Variants in HRNR observed in about 807,000 individuals in gnomAD.
HRNR encodes hornerin.
HRNR carries 7 observed loss-of-function variants against 4.8 expected under a neutral mutation model. The ratio of observed to expected loss-of-function variants is 1.47; its 90% CI spans 0.83 to 2.75. The LOEUF (loss-of-function observed/expected upper bound fraction) is 2.75, where lower values mean the gene tolerates loss of function less well. Among genes scored for constraint, HRNR ranks in the 30% most tolerant of loss-of-function variants. HRNR has a pLI of 0.00. For missense variants in HRNR, 2,879 were observed against 3,010.4 expected (o/e 0.96, Z 1.02); for synonymous variants, 1,023 against 1,242.7 (o/e 0.82, Z 3.72).
In HRNR at chr1:152,213,092, C is replaced by G. The variant is rs370306105; in HGVS notation, c.8537G>C (p.Cys2846Ser). 4 of 1,612,636 alleles carry G rather than the reference C, an allele frequency of 2.5e-6. No individual in the cohort carries two copies. The highest frequency in any genetic ancestry group is 2.2e-5 in the South Asian group (2 of 90,884). Residue 2846 changes from cysteine (C) to serine (S), a missense_variant, in exon 3 of 3, where the codon TGC becomes TCC. By Grantham distance (112) the Cys-to-Ser change is moderately radical. Transcript: ENST00000368801. ...GTTTATTATTCACTGATAAAAGTAG[C>G]ACCTCTGCTCTTGGACATATTCATA... is the stretch of plus-strand genomic sequence containing the variant. ...SPYEYVQEQR[C>S]YFYQ
Position 152,218,911 on chromosome 1 carries a change from A to C in HRNR, c.2718T>G (p.Tyr906Ter). ...RGSGSGQSPS[Y>*]GRHGSGSGRS... ...GACCGGAGCCAGACCCATGTCGGCC[A>C]TAGCTGGGAGACTGCCCTGACCCAG... The change falls in exon 3 of 3, where the codon TAT becomes TAG. Residue 906 changes from tyrosine (Y) to a stop codon, truncating the protein, a stop_gained. Transcript: ENST00000368801. LOFTEE classifies it low-confidence loss of function (END_TRUNC). 1 of 1,612,308 alleles carries C rather than the reference A, an allele frequency of 6.2e-7. No individual in the cohort carries two copies. Among genetic ancestry groups the C allele is most frequent in the East Asian group, 2.2e-5 (1 of 44,684 alleles).
chr1:152,220,392 G>C lies in HRNR; in HGVS notation c.1237C>G (p.Arg413Gly). The C allele has an allele frequency of 1.2e-6, 2 of 1,613,988 alleles. No homozygotes were observed. Among genetic ancestry groups the C allele is most frequent in the South Asian group, 1.1e-5 (1 of 91,080 alleles). Residue 413 changes from arginine (R) to glycine (G), a missense_variant, in exon 3 of 3, where the codon CGC (arginine) becomes GGC (glycine). Around this residue, in one of 8 missense-constraint regions of HRNR, gnomAD observed 2,646 missense variants for 1,377.7 expected, o/e 1.92. Coordinates refer to ENST00000368801, the MANE Select transcript of HRNR (RefSeq NM_001009931.3). Reference sequence around the variant, plus strand: ...CCAGATCCAGAGCTGTGTTGGCCGCGGCCTGAAGAGTGACGGGAGGCAGAC... The same window carrying C: ...CCAGATCCAGAGCTGTGTTGGCCGCCGCCTGAAGAGTGACGGGAGGCAGAC... ...HESASRHSSGRGQHSSGSGQS... is the reference protein window; with the variant it reads ...HESASRHSSGGGQHSSGSGQS...
rs781293101 is a variant in HRNR, at chr1:152,223,202, A to G, written c.52T>C (p.Tyr18His). 1.3e-5 allele frequency: 21 copies of G among 1,613,692 alleles called. No homozygotes were observed. The highest frequency in any genetic ancestry group is 1.7e-5 in the Non-Finnish European group (20 of 1,179,738). Residue 18 changes from tyrosine (Y) to histidine (H), a missense_variant, in exon 2 of 3, where the codon TAT (tyrosine) becomes CAT (histidine). By Grantham distance (83) the Tyr-to-His change is moderately conservative (BLOSUM62 2). Coordinates refer to ENST00000368801, the MANE Select transcript of HRNR (RefSeq NM_001009931.3). ...VITVIDVFYQ[Y>H]ATQHGEYDTL... ...TCATACTCCCCATGCTGGGTGGCAT[A>G]TTGGTAGAAAACATCGATGACAGTG...
Position 152,213,476 on chromosome 1 carries a change from C to G in HRNR, c.8153G>C (p.Cys2718Ser). ...TGTAGAACCATGCTGTCCTTGGCTACAGAAGTGCCCTGAGCCACTACCATG... is the reference window on the plus strand; with the variant it reads ...TGTAGAACCATGCTGTCCTTGGCTAGAGAAGTGCCCTGAGCCACTACCATG... ...SQHGSGSGHF[C>S]SQGQHGSTSG... The change falls in exon 3 of 3, where the codon TGT (cysteine) becomes TCT (serine). Residue 2718 changes from cysteine (C) to serine (S), a missense_variant. This residue lies in a region of HRNR where 20 missense variants were observed against 61.1 expected (regional missense o/e 0.33). Transcript: ENST00000368801. The G allele has an allele frequency of 1.4e-6, 2 of 1,402,114 alleles. No individual in the cohort carries two copies. Among genetic ancestry groups the G allele is most frequent in the Non-Finnish European group, 2.0e-6 (2 of 1,017,270 alleles). The allele number at this position is 1,402,114 out of a possible 1,614,324, so 86.9% of individuals were successfully genotyped here.
rs529137173 is a variant in HRNR at position 152,221,046 on chromosome 1, A to G, written c.583T>C (p.Cys195Arg). ...GGAGACTGCCCTGACCCAGACCCACATTGGCCGCGGCCTGAAGACTGATGG... is the reference window on the plus strand; with the variant it reads ...GGAGACTGCCCTGACCCAGACCCACGTTGGCCGCGGCCTGAAGACTGATGG... ...DSHQSSGRGQCGSGSGQSPNY... is the reference protein window; with the variant it reads ...DSHQSSGRGQRGSGSGQSPNY... Residue 195 changes from cysteine (C) to arginine (R), a missense_variant, in exon 3 of 3, where the codon TGT becomes CGT. This residue lies in a region of HRNR where 2,646 missense variants were observed against 1,377.7 expected (regional missense o/e 1.92). Transcript: ENST00000368801. The G allele has an allele frequency of 3.0e-5, 49 of 1,613,128 alleles. No homozygotes were observed. In the East Asian group the frequency reaches 9.6e-4, roughly 32 times the overall value.
chr1:152,219,698 C>G lies in HRNR; in HGVS notation c.1931G>C (p.Ser644Thr), dbSNP rs145243967. 5.0e-6 allele frequency: 8 copies of G among 1,613,338 alleles called. No homozygotes were observed. Among genetic ancestry groups the G allele is most frequent in the Non-Finnish European group, 5.1e-6 (6 of 1,179,526 alleles). The change falls in exon 3 of 3, where the codon AGT becomes ACT. Residue 644 changes from serine (S) to threonine (T), a missense_variant. Physicochemically the swap from Ser to Thr is moderately conservative, Grantham distance 58. This residue lies in a region of HRNR where 2,646 missense variants were observed against 1,377.7 expected (regional missense o/e 1.92). Transcript: ENST00000368801. ...SSHGQHGSGSSQSSRYGQQGS... is the reference protein window; with the variant it reads ...SSHGQHGSGSTQSSRYGQQGS... ...CTGTTGGCCATAGCGAGAAGACTGA[C>G]TTGAGCCAGAGCCATGCTGACCGTG...
rs367577450 is a variant in HRNR, at chr1:152,218,501, C to T, written c.3128G>A (p.Gly1043Asp). The T allele has an allele frequency of 3.7e-6, 6 of 1,613,746 alleles. No homozygotes were observed. Among genetic ancestry groups the T allele is most frequent in the South Asian group, 2.2e-5 (2 of 91,050 alleles). Residue 1043 changes from glycine (G) to aspartate (D), a missense_variant, in exon 3 of 3, where the codon GGC becomes GAC. Physicochemically the swap from Gly to Asp is moderately conservative, Grantham distance 94 (BLOSUM62 -1). Coordinates refer to ENST00000368801, the MANE Select transcript of HRNR (RefSeq NM_001009931.3). ...WSSSRGPYESGSGHSSGLGHR... is the reference protein window; with the variant it reads ...WSSSRGPYESDSGHSSGLGHR... ...ACCTAAGCCAGAAGAGTGACCGGAG[C>T]CAGACTCATATGGGCCACGGCTTGA...
At position 152,220,939 on chromosome 1, in the gene HRNR, G is replaced by A. The variant is rs748425764; in HGVS notation, c.690C>T (p.Gly230=). 6.2e-7 allele frequency: 1 copy of A among 1,612,462 alleles called. No homozygotes were observed. Among genetic ancestry groups the A allele is most frequent in the Non-Finnish European group, 8.5e-7 (1 of 1,178,366 alleles). Reference sequence around the variant, plus strand: ...CTGAGCTAGACTTGTGTTGACTAAAGCCAGAAGACTGGCCTGAGCCAGACC... The same window carrying A: ...CTGAGCTAGACTTGTGTTGACTAAAACCAGAAGACTGGCCTGAGCCAGACC... The part of the protein sequence containing the change: ...THGSGSGQSS[G]FSQHKSSSGQ... Residue 230 remains glycine, a synonymous_variant, in exon 3 of 3, where the codon GGC becomes GGT. Transcript: ENST00000368801.
chr1:152,219,753 GT>G lies in HRNR; in HGVS notation c.1875del (p.Gln625HisfsTer426). 1 of 1,613,622 alleles carries G rather than the reference GT, an allele frequency of 6.2e-7. No homozygotes were observed. The highest frequency in any genetic ancestry group is 1.1e-5 in the South Asian group (1 of 91,074). ...GAAGACTGACCTGAGGTAGCTCCAT[GT>G]TGGCCACAGCTCGATGACTGTCCTG... ...STSGQSSSCGQHGATSGQSSS... is the reference protein window; with the variant it reads ...STSGQSSSCGXHGATSGQSSS... On this transcript the variant is annotated frameshift_variant, in exon 3 of 3. Coordinates refer to ENST00000368801, the MANE Select transcript of HRNR (RefSeq NM_001009931.3). LOFTEE classifies it low-confidence loss of function (END_TRUNC).
Position 152,220,010 on chromosome 1 carries a change from G to T in HRNR, c.1619C>A (p.Ser540Tyr). The change falls in exon 3 of 3, where the codon TCT (serine) becomes TAT (tyrosine). Residue 540 changes from serine to tyrosine, a missense_variant. This residue lies in a region of HRNR where 2,646 missense variants were observed against 1,377.7 expected (regional missense o/e 1.92). Coordinates refer to ENST00000368801, the MANE Select transcript of HRNR (RefSeq NM_001009931.3). ...ATGTCGGCCACGGCTAGGGCTAGGA[G>T]ACTGGCCAGATCCAGACCCATGTCG... is the stretch of plus-strand genomic sequence containing the variant. The part of the protein sequence containing the change: ...HSRHGSGSGQ[S>Y]PSPSRGRHES... The T allele has an allele frequency of 1.9e-6, 3 of 1,614,030 alleles. No homozygotes were observed. Among genetic ancestry groups the T allele is most frequent in the Non-Finnish European group, 2.5e-6 (3 of 1,179,998 alleles).
chr1:152,222,883 A>G (rs4845426), intron 2 of HRNR, among the ~76,000 whole-genome samples: 105,547 of 152,066 alleles, frequency 0.69, 38,620 homozygotes, highest in Non-Finnish European at 0.84. Flanking sequence ...CTTAGATAGG[A>G]CATTATTTAA....
Position 152,218,732 on chromosome 1 carries a change from T to A in HRNR, c.2897A>T (p.Gln966Leu). 6.2e-7 allele frequency: 1 copy of A among 1,613,882 alleles called. No homozygotes were observed. Among genetic ancestry groups the A allele is most frequent in the South Asian group, 1.1e-5 (1 of 91,072 alleles). ...TCCATGTTGTTCGCTCCTAGATGAC[T>A]GTCCTGACCTAGAGCCGTGTTGTTC... ...SYEQHGSRSG[Q>L]SSRSEQHGSS... The change falls in exon 3 of 3, where the codon CAG (glutamine) becomes CTG (leucine). Residue 966 changes from glutamine (Q) to leucine (L), a missense_variant. By Grantham distance (113) the Gln-to-Leu change is moderately radical (BLOSUM62 -2). Coordinates refer to ENST00000368801, the MANE Select transcript of HRNR (RefSeq NM_001009931.3).
rs1262424192 is a variant in HRNR, at chr1:152,219,364, A to T, written c.2265T>A (p.His755Gln). 1.9e-6 allele frequency: 3 copies of T among 1,614,004 alleles called. No homozygotes were observed. The highest frequency in any genetic ancestry group is 1.7e-5 in the Admixed American group (1 of 60,008). Residue 755 changes from histidine (H) to glutamine (Q), a missense_variant, in exon 3 of 3, where the codon CAT becomes CAA. Physicochemically the swap from His to Gln is conservative, Grantham distance 24. Transcript: ENST00000368801. Reference sequence around the variant, plus strand: ...CCGAAGATTGATGGGAGCCCGACCCATGCTGACCATAGCTGGAAGACAAAC... The same window carrying T: ...CCGAAGATTGATGGGAGCCCGACCCTTGCTGACCATAGCTGGAAGACAAAC... ...SSGLSSSYGQ[H>Q]GSGSHQSSGH...
chr1:152,218,551 T>G lies in HRNR; in HGVS notation c.3078A>C (p.Pro1026=). ...AAGACCACCCTGAGCCAGACCTATA[T>G]GGGCCATAGCTGGAAGACTGCCCGG... The part of the protein sequence containing the change: ...SGSGQSSSYG[P]YRSGSGWSSS... Residue 1026 remains proline (P), a synonymous_variant, in exon 3 of 3, where the codon CCA becomes CCC. Transcript: ENST00000368801. The G allele has an allele frequency of 1.2e-6, 2 of 1,613,746 alleles. No homozygotes were observed. The highest frequency in any genetic ancestry group is 1.7e-6 in the Non-Finnish European group (2 of 1,179,948).
In HRNR at chr1:152,220,479, C is replaced by T. The variant is rs144898490; in HGVS notation, c.1150G>A (p.Ala384Thr). 4 of 1,610,422 alleles carry T rather than the reference C, an allele frequency of 2.5e-6. No individual in the cohort carries two copies. The highest frequency in any genetic ancestry group is 3.4e-6 in the Non-Finnish European group (4 of 1,178,452). Residue 384 changes from alanine (A) to threonine (T), a missense_variant, in exon 3 of 3, where the codon GCA (alanine) becomes ACA (threonine). This residue lies in a region of HRNR where 2,646 missense variants were observed against 1,377.7 expected (regional missense o/e 1.92). Transcript: ENST00000368801. ...QGQHGSTSGQ[A>T]SSSGQHGSSS... ...GAGCCATGTTGGCCAGAGCTTGATG[C>T]CTGCCCTGACGTAGATCCATGTTGT... is the stretch of plus-strand genomic sequence containing the variant.
Position 152,213,218 on chromosome 1 carries a change from C to G in HRNR, c.8411G>C (p.Gly2804Ala), listed in dbSNP as rs772801660. 16 of 1,614,044 alleles carry G rather than the reference C, an allele frequency of 9.9e-6. No individual in the cohort carries two copies. In the East Asian group the frequency reaches 3.6e-4, roughly 36 times the overall value. The change falls in exon 3 of 3, where the codon GGC becomes GCC. Residue 2804 changes from glycine (G) to alanine (A), a missense_variant. By Grantham distance (60) the Gly-to-Ala change is moderately conservative (BLOSUM62 0). Around this residue, in one of 8 missense-constraint regions of HRNR, gnomAD observed 158 missense variants for 107.6 expected, o/e 1.47. Transcript: ENST00000368801. ...ATAAGAATACCCATCTTGCCCTGAG[C>G]CACTTCCATGCTGACTATAACCAGA... ...QSSGYSQHGS[G>A]SGQDGYSYCK...
In HRNR at chr1:152,220,201, A is replaced by G. The variant is rs1448423779; in HGVS notation, c.1428T>C (p.Ser476=). The G allele has an allele frequency of 6.2e-7, 1 of 1,613,760 alleles. No homozygotes were observed. The highest frequency in any genetic ancestry group is 8.5e-7 in the Non-Finnish European group (1 of 1,179,816). ...GHHESSSEHS[S]GYTQHGSGSG... is the part of the protein sequence containing the mutation. Reference sequence around the variant, plus strand: ...AGCCAGATCCATGCTGAGTGTAACCAGAGGAATGCTCTGAGCTAGACTCGT... The same window carrying G: ...AGCCAGATCCATGCTGAGTGTAACCGGAGGAATGCTCTGAGCTAGACTCGT... The change falls in exon 3 of 3, where the codon TCT becomes TCC. Residue 476 remains serine, a synonymous_variant. Transcript: ENST00000368801.
Position 152,220,543 on chromosome 1 carries a change from A to G in HRNR, c.1086T>C (p.Ser362=), listed in dbSNP as rs1250297105. The G allele has an allele frequency of 6.2e-7, 1 of 1,611,558 alleles. No individual in the cohort carries two copies. Among genetic ancestry groups the G allele is most frequent in the Admixed American group, 1.7e-5 (1 of 59,902 alleles). Residue 362 remains serine, a synonymous_variant, in exon 3 of 3, where the codon AGT becomes AGC. Coordinates refer to ENST00000368801, the MANE Select transcript of HRNR (RefSeq NM_001009931.3). ...AGTGACCTGAGCCAGAACCATGCTT[A>G]CTATAGCCAGAGGACTGTCCTGAGC... ...ESGSGQSSGY[S]KHGSGSGHSS...
chr1:152,221,684 G>C (rs547506083), intron 2 of HRNR, among the ~76,000 whole-genome samples, 194 bp from the exon 3 acceptor site: 2 of 152,284 alleles, frequency 1.3e-5, no homozygotes, highest in East Asian at 3.9e-4. Flanking sequence ...AATGTGGTGG[G>C]AAACAGCTAG....
Sources: allele counts gnomAD v4.1 joint callset (sites outside exome capture counted in the v4.1 genomes callset), GRCh38; gene constraint gnomAD v4.1.1; regional missense constraint gnomAD v4.1.1; transcripts MANE v1.5; gene names NCBI Gene and HGNC (gene_info 2026-07-23, HGNC 2026-07-21).